The following GK variants were observed in gnomAD, a reference collection of about 807,000 sequenced individuals.
GK encodes glycerol kinase, also known as ATP:glycerol 3-phosphotransferase.
In GK, 9 loss-of-function variants were observed where a neutral mutation model predicts 56.4. The observed-to-expected ratio is 0.16, with a 90% CI of 0.10 to 0.28. GK has a LOEUF of 0.28. Ranked by LOEUF, GK falls within the 10% of genes least tolerant of loss-of-function variation. The pLI is 1.00. For synonymous variants in GK, 104 were observed against 144.1 expected, an observed-to-expected ratio of 0.72 and a Z score of 1.99; for missense variants, 161 against 431.4, an observed-to-expected ratio of 0.37 and a Z score of 5.55.
At chrX:30,682,165 C>T (rs1048171349) in intron 4 of GK, among the ~76,000 whole-genome samples, 4 of 111,275 alleles carry the variant, frequency 3.6e-5, no homozygotes, top group East Asian at 2.8e-4. Context: ...GCCTTGTTTT[C>T]GACAAAGTGA....
chrX:30,679,105 G>A (rs1335348920), intron 4 of GK, among the ~76,000 whole-genome samples: 1 of 110,298 alleles, frequency 9.1e-6, no homozygotes, highest in African/African-American at 3.3e-5. Flanking sequence ...AGTATCCTTT[G>A]ATAGATCAAT....
rs1937327753 is a variant in GK at position 30,731,418 on chromosome X, A to G, written c.*2676A>G. On this transcript the variant is annotated 3_prime_UTR_variant, in exon 21 of 21. Coordinates refer to ENST00000427190, the MANE Select transcript of GK (RefSeq NM_001205019.2). The stretch of plus-strand genomic sequence containing the variant: ...CTTGATCCTTTGCTTTTGCAACCTA[A>G]CAACTTTAATAATAAGTTCACACAA... 1 of 112,183 alleles carries G rather than the reference A, an allele frequency of 8.9e-6. No individual in the cohort carries two copies. The highest frequency in any genetic ancestry group is 2.8e-4 in the East Asian group (1 of 3,624). The allele number at this position is 112,183 out of a possible 1,213,427, so 9.2% of individuals were successfully genotyped here. A position where few individuals can be genotyped will look rare whatever the true frequency, so the allele number is the denominator to read the frequency against.
At chrX:30,720,144 C>A in intron 16 of GK, 49 bp downstream of exon 16, 1 of 763,438 alleles carries the variant, frequency 1.3e-6, no homozygotes, top group South Asian at 2.1e-5. Context: ...TTTTATCACT[C>A]TTAAGTTATA....
rs191542319 is a variant in GK at position 30,685,366 on chromosome X, C to G, written c.338-5757C>G. On this transcript the variant is annotated intron_variant, in intron 4 of 20. Transcript: ENST00000427190. The stretch of plus-strand genomic sequence containing the variant: ...GCCAGGATGGTCTCGATCTCCTGAC[C>G]TCGTGATCCGCCGGCCTCGGCCTCC... Among the ~76,000 whole-genome samples, 418 of 111,902 alleles carry G rather than the reference C, an allele frequency of 3.7e-3. 1 individual carries two copies. Among genetic ancestry groups the G allele is most frequent in the African/African-American group, 0.013 (401 of 30,889 alleles).
At chrX:30,678,852 A>ATTTTTTTTTTTT (rs58342528) in intron 4 of GK, among the ~76,000 whole-genome samples, 1 of 77,211 alleles carries the variant, frequency 1.3e-5, no homozygotes, top group Non-Finnish European at 2.5e-5. Context: ...ATGCCCAGCT[A>ATTTTTTTTTTTT]TTTTTTTTTT....
intron 1 of GK, among the ~76,000 whole-genome samples, chrX:30,655,487 G>C (rs745743229): frequency 8.9e-6 from 1 of 112,150 alleles, no homozygotes; most frequent in Non-Finnish European, 1.9e-5. Flanking sequence ...CTGCCAGATC[G>C]TCAGATTAAA....
In GK at chrX:30,677,482, A is replaced by G. The variant is rs1368141349; in HGVS notation, c.337+30A>G. 5.0e-5 allele frequency: 40 copies of G among 807,618 alleles called. 1 individual carries two copies. Among genetic ancestry groups the G allele is most frequent in the Non-Finnish European group, 7.2e-5 (38 of 527,565 alleles). 66.6% of individuals were successfully genotyped at this position (807,618 alleles called of 1,213,427 possible). A position where few individuals can be genotyped will look rare whatever the true frequency, so the allele number is the denominator to read the frequency against. ...GCTGTCATGCATGGATGTCAAATGT[A>G]GGGCCTTTCTTCACATTGCAAATGT... On this transcript the variant is annotated intron_variant, in intron 4 of 20. Transcript: ENST00000427190.
intron 17 of GK, 37 bp downstream of exon 17, chrX:30,720,778 A>T (rs761391192): frequency 8.3e-7 from 1 of 1,207,708 alleles, no homozygotes; most frequent in Non-Finnish European, 1.1e-6. Flanking sequence ...TCCCAGAGTA[A>T]TGTTTCTTGT....
At chrX:30,665,239 C>T (rs1429535932) in intron 1 of GK, among the ~76,000 whole-genome samples, 15 of 111,564 alleles carry the variant, frequency 1.3e-4, no homozygotes, top group Admixed American at 1.2e-3. Context: ...GTTAAATTTC[C>T]GAGAACCATT....
intron 5 of GK, among the ~76,000 whole-genome samples, chrX:30,692,097 G>T (rs766146239): frequency 6.9e-4 from 76 of 110,667 alleles, no homozygotes; most frequent in African/African-American, 2.0e-3. Flanking sequence ...GTGTTTTGTT[G>T]TTGTTTATCC....
chrX:30,702,106 G>A (rs921659891), intron 11 of GK, among the ~76,000 whole-genome samples: 4 of 109,009 alleles, frequency 3.7e-5, no homozygotes, highest in South Asian at 3.9e-4. Flanking sequence ...GCAATGGCGC[G>A]ATCTCGGCTC....
At chrX:30,708,746 T>C (rs1936165823) in intron 13 of GK, among the ~76,000 whole-genome samples, 1 of 111,967 alleles carries the variant, frequency 8.9e-6, no homozygotes, top group South Asian at 3.7e-4. Context: ...GAAATAATAT[T>C]CTTTTTGTAA....
chrX:30,720,164 C>T (rs1258441019), intron 16 of GK, 69 bp downstream of exon 16: 5 of 646,811 alleles, frequency 7.7e-6, no homozygotes, highest in African/African-American at 2.2e-5. Flanking sequence ...ATGTTAACAC[C>T]CGAGATTTAT....
rs1421072402 is a variant in GK, at chrX:30,722,454, G to A, written c.1501+1459G>A. Among the ~76,000 whole-genome samples, 4 of 112,256 alleles carry A rather than the reference G, an allele frequency of 3.6e-5. No homozygotes were observed. The South Asian group carries it at 1.5e-3, about 42-fold the overall frequency. On this transcript the variant is annotated intron_variant, in intron 18 of 20. Transcript: ENST00000427190. ...AAAGCAAGGAAGTTCTGTGCCAAGA[G>A]AGCCATCTCCATTCTTAGGGGAGCC... is the stretch of plus-strand genomic sequence containing the variant.
chrX:30,679,785 A>G (rs750181819), intron 4 of GK, among the ~76,000 whole-genome samples: 2 of 111,664 alleles, frequency 1.8e-5, no homozygotes, highest in African/African-American at 6.5e-5. Flanking sequence ...AACCTCTTAC[A>G]TGTTTGATGT....
At chrX:30,657,845 A>C (rs1932412180) in intron 1 of GK, among the ~76,000 whole-genome samples, 1 of 112,154 alleles carries the variant, frequency 8.9e-6, no homozygotes, top group Non-Finnish European at 1.9e-5. Context: ...CTCACCTATT[A>C]ATCAAGTGTC....
chrX:30,660,881 C>T (rs973744468), intron 1 of GK, among the ~76,000 whole-genome samples: 3 of 101,458 alleles, frequency 3.0e-5, no homozygotes, highest in Non-Finnish European at 5.9e-5. Context: ...GGCGTGATCT[C>T]GGCTCACTGC....
chrX:30,703,327 C>T (rs1368420464), intron 11 of GK, among the ~76,000 whole-genome samples: 1 of 111,525 alleles, frequency 9.0e-6, no homozygotes, highest in Non-Finnish European at 1.9e-5. Context: ...AGCTGGTGTT[C>T]AGAGATGACT....
intron 3 of GK, among the ~76,000 whole-genome samples, chrX:30,671,247 C>T (rs1465083486): frequency 1.0e-5 from 1 of 98,454 alleles, no homozygotes; most frequent in African/African-American, 3.8e-5. Flanking sequence ...GCCGAGATGG[C>T]GCCATTGCAC....
Sources: allele counts gnomAD v4.1 joint callset (sites outside exome capture counted in the v4.1 genomes callset), GRCh38; gene constraint gnomAD v4.1.1; transcripts MANE v1.5; gene names NCBI Gene and HGNC (gene_info 2026-07-23, HGNC 2026-07-21).